DLGAP4: variants seen among roughly 807,000 people sequenced by gnomAD.
DLGAP4 encodes the protein disks large-associated protein 4.
A neutral mutation model predicts 86.9 loss-of-function variants in DLGAP4; 18 were observed. The ratio of observed to expected loss-of-function variants is 0.21; its 90% CI spans 0.14 to 0.31. The LOEUF (loss-of-function observed/expected upper bound fraction) is 0.31. DLGAP4 is among the 10% of genes least tolerant of loss of function. DLGAP4 has a pLI of 1.00. For synonymous variants in DLGAP4, 548 were observed against 574.3 expected, an observed-to-expected ratio of 0.95 and a Z score of 0.65; for missense variants, 1,085 against 1,362.6, an observed-to-expected ratio of 0.80 and a Z score of 3.21.
rs1280889800 is a variant in DLGAP4 at position 36,393,130 on chromosome 20, G to A, written c.-73+25855G>A. On this transcript the variant is annotated intron_variant, in intron 2 of 12. Transcript: ENST00000339266. This position sits in a 1 kb window ranked among gnomAD's most constrained non-coding sequence, Gnocchi z 4.4. ...ATGAGGGGTTTGGTTTTGGTCAAGA[G>A]CTCAGGGGTGAGACTAGGGTGGGAC... Among the ~76,000 whole-genome samples the A allele has an allele frequency of 6.6e-6, 1 of 152,090 alleles. No individual in the cohort carries two copies.
In DLGAP4 at chr20:36,341,713, C is replaced by T. The variant is rs549669122; in HGVS notation, c.-303-25332C>T. Among the ~76,000 whole-genome samples, 3 of 152,342 alleles carry T rather than the reference C, an allele frequency of 2.0e-5. No individual in the cohort carries two copies. The South Asian group carries it at 6.2e-4, about 32-fold the overall frequency. ...CCCCCTCAGTCCCTCTGCTCTAGTG[C>T]ACACAGTAGGTGCTTGGCAAATATT... On this transcript the variant is annotated intron_variant, in intron 1 of 12. Transcript: ENST00000339266.
chr20:36,389,954 T>C (rs2031730800), intron 2 of DLGAP4, among the ~76,000 whole-genome samples: 2 of 152,252 alleles, frequency 1.3e-5, no homozygotes, highest in South Asian at 4.2e-4. Context: ...CCATGACTGG[T>C]ACTCTGGAGG....
chr20:36,311,899 G>A (rs1279905252), intron 1 of DLGAP4, among the ~76,000 whole-genome samples: 7 of 152,206 alleles, frequency 4.6e-5, no homozygotes, highest in Admixed American at 4.6e-4. Context: ...TGAAGTTCCC[G>A]TTTGTTCCAC....
At chr20:36,332,958 T>C (rs1555891721) in intron 1 of DLGAP4, among the ~76,000 whole-genome samples, 1 of 152,216 alleles carries the variant, frequency 6.6e-6, no homozygotes, top group Non-Finnish European at 1.5e-5. Flanking sequence ...AGGCTCTTTC[T>C]TTCCTTCCAA....
In DLGAP4 at chr20:36,348,289, T is replaced by C. The variant is rs373416340; in HGVS notation, c.-303-18756T>C. ...TGCTGTTTCTTCATCTGACTAGAGG[T>C]CATTACTCTTCATTCATTTATCCAA... On this transcript the variant is annotated intron_variant, in intron 1 of 12. Coordinates refer to ENST00000339266, the MANE Select transcript of DLGAP4 (RefSeq NM_001365621.2). 5.3e-5 allele frequency among the ~76,000 whole-genome samples: 8 copies of C among 152,196 alleles called. No homozygotes were observed. In the East Asian group the frequency reaches 9.6e-4, roughly 18 times the overall value.
rs1216346813 is a variant in DLGAP4, at chr20:36,442,790, G to A, written c.1407+13G>A. On this transcript the variant is annotated intron_variant, in intron 6 of 12. Coordinates refer to ENST00000339266, the MANE Select transcript of DLGAP4 (RefSeq NM_001365621.2). ...CCATGAGCAGCAGGTCAGTATGTTTGCCCTTCTCTTCCACCCCAATCCCAG... is the reference window on the plus strand; with the variant it reads ...CCATGAGCAGCAGGTCAGTATGTTTACCCTTCTCTTCCACCCCAATCCCAG... 2 of 1,614,154 alleles carry A rather than the reference G, an allele frequency of 1.2e-6. No individual in the cohort carries two copies. Among genetic ancestry groups the A allele is most frequent in the African/African-American group, 1.3e-5 (1 of 75,044 alleles).
At chr20:36,504,264 C>T (rs948741383) in intron 10 of DLGAP4, among the ~76,000 whole-genome samples, 6 of 152,158 alleles carry the variant, frequency 3.9e-5, no homozygotes, top group African/African-American at 4.8e-5. Flanking sequence ...TCTGCCTAGC[C>T]GCTGGTATCC....
At chr20:36,428,406 C>A (rs549839317) in intron 2 of DLGAP4, among the ~76,000 whole-genome samples, 2 of 152,228 alleles carry the variant, frequency 1.3e-5, no homozygotes, top group East Asian at 3.9e-4. Flanking sequence ...GAGAGTTTCC[C>A]AGAGCAGTGA....
At chr20:36,421,455 C>CA (rs539617975) in intron 2 of DLGAP4, among the ~76,000 whole-genome samples, 1,510 of 100,820 alleles carry the variant, frequency 0.015, 22 homozygotes, top group African/African-American at 0.04. Context: ...GAGACTGTCT[C>CA]AAAAAAAAAA....
At chr20:36,455,251 C>T (rs963374573) in intron 7 of DLGAP4, among the ~76,000 whole-genome samples, 1 of 151,808 alleles carries the variant, frequency 6.6e-6, no homozygotes, top group African/African-American at 2.4e-5. Context: ...CTGTCTGTCT[C>T]CCTCAGTTCT....
Position 36,527,617 on chromosome 20 carries a change from C to T in DLGAP4, c.*586C>T, listed in dbSNP as rs1459693264. 2.0e-5 allele frequency: 3 copies of T among 153,022 alleles called. No homozygotes were observed. Among genetic ancestry groups the T allele is most frequent in the African/African-American group, 7.2e-5 (3 of 41,468 alleles). The allele number at this position is 153,022 out of a possible 1,614,324, so 9.5% of individuals were successfully genotyped here. ...ACATGCGTCCCCTCCCTCCCCCCGC[C>T]AAGTGCTCACACACAACCTCACGCG... On this transcript the variant is annotated 3_prime_UTR_variant, in exon 13 of 13. Transcript: ENST00000339266.
intron 7 of DLGAP4, among the ~76,000 whole-genome samples, chr20:36,452,178 C>T (rs558970017): frequency 3.9e-5 from 6 of 152,090 alleles, no homozygotes; most frequent in East Asian, 1.9e-4. Context: ...CCTTGAAGAT[C>T]GGCTATTTTT....
intron 1 of DLGAP4, among the ~76,000 whole-genome samples, chr20:36,314,970 CTA>C (rs1173908759): frequency 1.3e-5 from 1 of 78,762 alleles, no homozygotes; most frequent in Non-Finnish European, 2.5e-5. Flanking sequence ...GGTGTGTTAT[CTA>C]TGGTGTGTGG....
At chr20:36,488,448 C>T (rs575759649) in intron 7 of DLGAP4, among the ~76,000 whole-genome samples, 1 of 152,242 alleles carries the variant, frequency 6.6e-6, no homozygotes, top group South Asian at 2.1e-4. Context: ...TAGTTATGTT[C>T]ACAGAGTCAT....
chr20:36,336,561 A>G (rs1305885492), intron 1 of DLGAP4, among the ~76,000 whole-genome samples: 1 of 152,154 alleles, frequency 6.6e-6, no homozygotes, highest in Non-Finnish European at 1.5e-5. Context: ...CTTACATCTT[A>G]TCTCCATTCC....
chr20:36,320,538 C>G (rs536136962), intron 1 of DLGAP4, among the ~76,000 whole-genome samples: 8 of 152,234 alleles, frequency 5.3e-5, no homozygotes, highest in African/African-American at 1.9e-4. Context: ...TGCGTCATGC[C>G]CCCCACTCCC....
chr20:36,379,021 T>C (rs1390994448), intron 2 of DLGAP4, among the ~76,000 whole-genome samples: 1 of 152,106 alleles, frequency 6.6e-6, no homozygotes, highest in Non-Finnish European at 1.5e-5. Flanking sequence ...GCAAACATGC[T>C]AGCAGTAAGC....
chr20:36,337,855 A>G (rs1555892211), intron 1 of DLGAP4, among the ~76,000 whole-genome samples: 2 of 152,216 alleles, frequency 1.3e-5, no homozygotes, highest in Admixed American at 6.5e-5. Flanking sequence ...GATGGATGTC[A>G]GCCTGCTGGG....
At chr20:36,321,487 C>G (rs1356639873) in intron 1 of DLGAP4, among the ~76,000 whole-genome samples, 1 of 152,256 alleles carries the variant, frequency 6.6e-6, no homozygotes, top group Non-Finnish European at 1.5e-5. Context: ...ACTCGCCAGG[C>G]TGGCCCCGGC....
Sources: gnomAD v4.1 joint callset for allele counts (sites outside exome capture counted in the v4.1 genomes callset) on GRCh38, gnomAD v4.1.1 for gene constraint, Gnocchi (gnomAD v3.1) non-coding constraint, MANE v1.5 for transcripts, NCBI Gene and HGNC (gene_info 2026-07-23, HGNC 2026-07-21) for gene names.